UBFD1: variants seen among roughly 807,000 people sequenced by gnomAD.
UBFD1 encodes the protein ubiquitin domain-containing protein UBFD1.
Under a neutral mutation model 35.1 loss-of-function variants are expected in UBFD1, and 12 were observed. That is an observed-to-expected ratio of 0.34 (90% confidence interval 0.22 to 0.55). The LOEUF (loss-of-function observed/expected upper bound fraction) is 0.55, where lower values mean the gene tolerates loss of function less well. Among genes scored for constraint, UBFD1 ranks in the 20% least tolerant of loss-of-function variants. The probability of loss-of-function intolerance (pLI) is 0.89; values close to 1 mark genes in which losing one functional copy is unlikely to be tolerated. For missense variants in UBFD1, 337 were observed against 410.8 expected (o/e 0.82, Z 1.55); for synonymous variants, 178 against 167.6 (o/e 1.06, Z -0.48).
intron 1 of UBFD1, 32 bp downstream of exon 1, chr16:23,557,799 C>T (rs747216757): frequency 3.1e-6 from 4 of 1,277,668 alleles, no homozygotes; most frequent in Middle Eastern, 3.0e-4. Context: ...GGCGCCGGGC[C>T]GGGGCTGAGG....
At position 23,572,015 on chromosome 16, in the gene UBFD1, T is replaced by C. The variant is rs1397729897; in HGVS notation, c.*1425T>C. 1.3e-5 allele frequency: 2 copies of C among 152,692 alleles called. No individual in the cohort carries two copies. The highest frequency in any genetic ancestry group is 2.9e-5 in the Non-Finnish European group (2 of 68,054). 9.5% of individuals were successfully genotyped at this position (152,692 alleles called of 1,614,324 possible). ...CGAGAAATGTTCCAAACATCACATTTTGGATTCTAGGCTGTCACCCCTCAT... is the reference window on the plus strand; with the variant it reads ...CGAGAAATGTTCCAAACATCACATTCTGGATTCTAGGCTGTCACCCCTCAT... On this transcript the variant is annotated 3_prime_UTR_variant, in exon 7 of 7. Transcript: ENST00000395878.
In UBFD1 at chr16:23,557,809, G is replaced by A. The variant is rs368679040; in HGVS notation, c.25+42G>A. 4.4e-5 allele frequency: 56 copies of A among 1,277,748 alleles called. 1 individual carries two copies. The highest frequency in any genetic ancestry group is 5.9e-4 in the Middle Eastern group (2 of 3,398). 79.2% of individuals were successfully genotyped at this position (1,277,748 alleles called of 1,614,324 possible). ...TGGCGGGCGCCGGGCCGGGGCTGAG[G>A]TTGCGGTCGCTCCTCTGGGGGATGC... On this transcript the variant is annotated intron_variant, in intron 1 of 6. Transcript: ENST00000395878.
At chr16:23,559,359 TG>T in intron 2 of UBFD1, 108 bp from the exon 3 acceptor site, 1 of 879,180 alleles carries the variant, frequency 1.1e-6, no homozygotes, top group Non-Finnish European at 1.7e-6. Flanking sequence ...AGCTAATAGG[TG>T]GTGGAGGCAG....
chr16:23,562,651 C>G lies in UBFD1; in HGVS notation c.657C>G (p.Ser219=). 3.1e-6 allele frequency: 5 copies of G among 1,614,124 alleles called. No individual in the cohort carries two copies. In the South Asian group the frequency reaches 3.3e-5, roughly 11 times the overall value. ...AGCGCCTGCCAACGGTACCGCTGTC[C>G]GGCATGTACAATAAATCTGGAGGAA... ...AQERLPTVPL[S]GMYNKSGGKV... Residue 219 remains serine, a synonymous_variant, in exon 5 of 7, where the codon TCC becomes TCG. Coordinates refer to ENST00000395878, the MANE Select transcript of UBFD1 (RefSeq NM_019116.3).
rs1398476009 is a variant in UBFD1 at position 23,572,713 on chromosome 16, CAGG to C, written c.*2128_*2130del. The C allele has an allele frequency of 6.5e-5, 10 of 153,836 alleles. No individual in the cohort carries two copies. The highest frequency in any genetic ancestry group is 2.2e-4 in the African/African-American group (9 of 41,580). The allele number at this position is 153,836 out of a possible 1,614,324, so 9.5% of individuals were successfully genotyped here. On this transcript the variant is annotated 3_prime_UTR_variant, in exon 7 of 7. Transcript: ENST00000395878. ...CTTCTCACTCAGGCTGGTGTCATTTCAGGAGGACCAAAGCCTGCGTGAGCCTTT... is the reference window on the plus strand; with the variant it reads ...CTTCTCACTCAGGCTGGTGTCATTTCAGGACCAAAGCCTGCGTGAGCCTTT...
At position 23,557,778 on chromosome 16, in the gene UBFD1, CG is replaced by C. The variant is rs1156245642; in HGVS notation, c.25+16del. On this transcript the variant is annotated intron_variant, in intron 1 of 6. Transcript: ENST00000395878. ...CCGGGGCCCCGGATGGTGAGTGCGG[CG>C]GGGGTGGCGGGCGCCGGGCCGGGGC... 1 of 1,277,892 alleles carries C rather than the reference CG, an allele frequency of 7.8e-7. No individual in the cohort carries two copies. The highest frequency in any genetic ancestry group is 9.9e-7 in the Non-Finnish European group (1 of 1,013,494). The allele number at this position is 1,277,892 out of a possible 1,614,324, so 79.2% of individuals were successfully genotyped here. A position where few individuals can be genotyped will look rare whatever the true frequency, so the allele number is the denominator to read the frequency against.
In UBFD1 at chr16:23,557,982, G is replaced by A. The variant is rs567254290; in HGVS notation, c.58G>A (p.Glu20Lys). The change falls in exon 2 of 7, where the codon GAG (glutamate) becomes AAG (lysine). Residue 20 changes from glutamate to lysine, a missense_variant. Coordinates refer to ENST00000395878, the MANE Select transcript of UBFD1 (RefSeq NM_019116.3). ...MEEPGMDTEA[E>K]TVATEAPARP... The stretch of plus-strand genomic sequence containing the variant: ...GGAACCTGGCATGGACACGGAGGCC[G>A]AGACTGTGGCTACTGAGGCTCCCGC... 39 of 1,371,460 alleles carry A rather than the reference G, an allele frequency of 2.8e-5. No individual in the cohort carries two copies. The African/African-American group carries it at 5.0e-4, about 17-fold the overall frequency. 85.0% of individuals were successfully genotyped at this position (1,371,460 alleles called of 1,614,324 possible). A position where few individuals can be genotyped will look rare whatever the true frequency, so the allele number is the denominator to read the frequency against.
In UBFD1 at chr16:23,572,087, G is replaced by A. The variant is rs1001147757; in HGVS notation, c.*1497G>A. The A allele has an allele frequency of 2.0e-5, 3 of 152,618 alleles. No homozygotes were observed. The highest frequency in any genetic ancestry group is 7.2e-5 in the African/African-American group (3 of 41,450). 9.5% of individuals were successfully genotyped at this position (152,618 alleles called of 1,614,324 possible). A position where few individuals can be genotyped will look rare whatever the true frequency, so the allele number is the denominator to read the frequency against. On this transcript the variant is annotated 3_prime_UTR_variant, in exon 7 of 7. Coordinates refer to ENST00000395878, the MANE Select transcript of UBFD1 (RefSeq NM_019116.3). ...TGTTCGCCCAAGATGACTATTCCTT[G>A]TGAGCCAGTTAATGATGATATTCTA...
intron 6 of UBFD1, chr16:23,569,078 T>G (rs1749089262): frequency 1.3e-5 from 2 of 152,178 alleles, no homozygotes; most frequent in Non-Finnish European, 2.9e-5. Flanking sequence ...TCGAGTTATT[T>G]CTGGCAGAGG....
Position 23,559,227 on chromosome 16 carries a change from T to C in UBFD1, c.356-241T>C, listed in dbSNP as rs1965890169. 2.2e-5 allele frequency: 9 copies of C among 403,302 alleles called. 1 individual carries two copies. The South Asian group carries it at 2.5e-4, about 11-fold the overall frequency. The allele number at this position is 403,302 out of a possible 1,614,324, so 25.0% of individuals were successfully genotyped here. ...AATTATTCAATGCTAGCCACCGTAC[T>C]AAATGCCCCGCATTGGTCTCTTAAT... On this transcript the variant is annotated intron_variant, in intron 2 of 6. Transcript: ENST00000395878.
At chr16:23,558,431 G>T in intron 2 of UBFD1, 152 bp downstream of exon 2, 2 of 1,031,048 alleles carry the variant, frequency 1.9e-6, no homozygotes, top group Non-Finnish European at 2.7e-6. Context: ...TTACTCAGCT[G>T]GGGAAAGAGA....
chr16:23,559,869 G>C, intron 3 of UBFD1, 193 bp downstream of exon 3: 1 of 1,533,580 alleles, frequency 6.5e-7, no homozygotes, highest in Non-Finnish European at 8.7e-7. Flanking sequence ...CATCTGGCGG[G>C]TCAGTGTGTC....
rs116381647 is a variant in UBFD1, at chr16:23,563,709, G to C, written c.736+979G>C. 2.2e-3 allele frequency among the ~76,000 whole-genome samples: 331 copies of C among 152,222 alleles called. 2 individuals carry two copies. Among genetic ancestry groups the C allele is most frequent in the African/African-American group, 7.8e-3 (324 of 41,524 alleles). ...ATAGCGTTCAGTGTTCTCAACACTG[G>C]GCCTTAGTTTAAATTTTGGTTCCAG... is the stretch of plus-strand genomic sequence containing the variant. On this transcript the variant is annotated intron_variant, in intron 5 of 6. Transcript: ENST00000395878.
chr16:23,563,959 C>G (rs1965975550), intron 5 of UBFD1: 1 of 152,274 alleles, frequency 6.6e-6, no homozygotes, highest in Non-Finnish European at 1.5e-5. Context: ...AAATGACTTG[C>G]TGCCGCTTCT....
intron 5 of UBFD1, chr16:23,566,302 C>T (rs1466092338): frequency 2.0e-5 from 3 of 152,100 alleles, no homozygotes; most frequent in African/African-American, 7.2e-5. Flanking sequence ...CTGCCCAAGA[C>T]CTTAGTCAAT....
chr16:23,559,457 C>G lies in UBFD1; in HGVS notation c.356-11C>G, dbSNP rs768319984. The G allele has an allele frequency of 1.2e-6, 2 of 1,611,640 alleles. No individual in the cohort carries two copies. The highest frequency in any genetic ancestry group is 1.3e-5 in the African/African-American group (1 of 74,852). ...CTTCCTTTCACTGTCCACCTTCTAC[C>G]TTTTCCCAAGGTCTCCCGCCTGCCA... On this transcript the variant is annotated splice_polypyrimidine_tract_variant and intron_variant, in intron 2 of 6. Transcript: ENST00000395878.
intron 4 of UBFD1, 59 bp from the exon 5 acceptor site, chr16:23,562,566 C>T (rs1965952513): frequency 2.0e-6 from 3 of 1,531,438 alleles, no homozygotes; most frequent in African/African-American, 2.7e-5. Context: ...CCGCGCTTGG[C>T]CCCCTTCTCT....
At chr16:23,560,752 T>C (rs1351527314) in intron 3 of UBFD1, among the ~76,000 whole-genome samples, 1 of 152,214 alleles carries the variant, frequency 6.6e-6, no homozygotes, top group Non-Finnish European at 1.5e-5. Context: ...TCCAAAACCC[T>C]GAAAGTTCAA....
At position 23,558,644 on chromosome 16, in the gene UBFD1, ATATCT is replaced by A. The variant is rs1346093517; in HGVS notation, c.355+368_355+372del. On this transcript the variant is annotated intron_variant, in intron 2 of 6. Transcript: ENST00000395878. ...GTAGCCAGGAATTTATTTTTAGCAAATATCTTAGGTAATTCTTCTAAGTGAAGTTT... is the reference window on the plus strand; with the variant it reads ...GTAGCCAGGAATTTATTTTTAGCAAATAGGTAATTCTTCTAAGTGAAGTTT... Among the ~76,000 whole-genome samples, 4 of 152,140 alleles carry A rather than the reference ATATCT, an allele frequency of 2.6e-5. No individual in the cohort carries two copies. In the East Asian group the frequency reaches 7.7e-4, roughly 29 times the overall value.
Sources: gnomAD v4.1 joint callset for allele counts (sites outside exome capture counted in the v4.1 genomes callset) on GRCh38, gnomAD v4.1.1 for gene constraint, MANE v1.5 for transcripts, NCBI Gene and HGNC (gene_info 2026-07-23, HGNC 2026-07-21) for gene names.